LPIN1: variants seen among roughly 807,000 people sequenced by gnomAD.
The protein encoded by LPIN1 is phosphatidate phosphatase LPIN1.
A neutral mutation model predicts 107.5 loss-of-function variants in LPIN1; 71 were observed. The ratio of observed to expected loss-of-function variants is 0.66; its 90% CI spans 0.55 to 0.80. The LOEUF (loss-of-function observed/expected upper bound fraction) is 0.80, where lower values mean the gene tolerates loss of function less well. LPIN1 is among the 30% of genes least tolerant of loss of function. The pLI is 0.00. For synonymous variants in LPIN1, 445 were observed against 452.6 expected (o/e 0.98, Z 0.21); for missense variants, 1,043 against 1,160.6 (o/e 0.90, Z 1.47).
At chr2:11,801,468 G>C (rs1244302640) in intron 14 of LPIN1, among the ~76,000 whole-genome samples, 1 of 152,214 alleles carries the variant, frequency 6.6e-6, no homozygotes, top group African/African-American at 2.4e-5. Flanking sequence ...GGGTGGAATA[G>C]GAGGTCATTA....
In LPIN1 at chr2:11,765,583, C is replaced by T. The variant is rs146180669; in HGVS notation, c.42C>T (p.Thr14=). ...AGTTAGCCGGCCAGGTGTTTGTCAC[C>T]GTGAAGGAGCTCTACAAGGGGCTGA... The part of the protein sequence containing the change: ...VGQLAGQVFV[T]VKELYKGLNP... The change falls in exon 2 of 21, where the codon ACC becomes ACT. Residue 14 remains threonine, a synonymous_variant. Coordinates refer to ENST00000674199, the MANE Select transcript of LPIN1 (RefSeq NM_001349206.2). The surrounding 1 kb of genome is among the most constrained non-coding windows in gnomAD (Gnocchi z 4.4). The T allele has an allele frequency of 2.7e-4, 431 of 1,613,956 alleles. No homozygotes were observed. Among genetic ancestry groups the T allele is most frequent in the Non-Finnish European group, 3.3e-4 (391 of 1,180,002 alleles).
intron 12 of LPIN1, among the ~76,000 whole-genome samples, chr2:11,789,758 T>G (rs1190239681): frequency 6.9e-6 from 1 of 145,306 alleles, no homozygotes; most frequent in Non-Finnish European, 1.5e-5. Context: ...CACTTACAAA[T>G]CCGTAAGAAA....
chr2:11,804,982 G>GTTT (rs372751097), intron 16 of LPIN1, 88 bp from the exon 17 acceptor site: 289 of 703,654 alleles, frequency 4.1e-4, no homozygotes, highest in African/African-American at 8.3e-4. Flanking sequence ...TCTTGTTTGT[G>GTTT]TTTTTTTTTT....
At chr2:11,784,572 C>A in intron 9 of LPIN1, 1 of 513,554 alleles carries the variant, frequency 1.9e-6, no homozygotes, top group Non-Finnish European at 3.3e-6. Context: ...CACCCTCAGT[C>A]CCCCTGCGAT....
Position 11,717,660 on chromosome 2 carries a change from A to G in LPIN1, c.138+3848A>G, listed in dbSNP as rs137975671. Among the ~76,000 whole-genome samples the G allele has an allele frequency of 4.4e-3, 664 of 151,952 alleles. 7 individuals are homozygous for G. The highest frequency in any genetic ancestry group is 0.015 in the African/African-American group (626 of 41,484). On this transcript the variant is annotated intron_variant, in intron 2 of 21. Transcript: ENST00000449576. ...GCTTTTAGAATTTTTAAAAAAAATT[A>G]TTTAGCAAATCTTATATACCACAAA...
In LPIN1 at chr2:11,819,492, T is replaced by C. The variant is rs749481129; in HGVS notation, c.2411T>C (p.Ile804Thr). 6.2e-7 allele frequency: 1 copy of C among 1,605,252 alleles called. No individual in the cohort carries two copies. Among genetic ancestry groups the C allele is most frequent in the Non-Finnish European group, 8.5e-7 (1 of 1,171,848 alleles). ...SLFSALHREV[I>T]EKKPEKFKVQ... Reference sequence around the variant, plus strand: ...ATTTATTTGTTTAACAGAGAAGTGATTGAAAAGAAGCCAGAAAAGTTTAAA... The same window carrying C: ...ATTTATTTGTTTAACAGAGAAGTGACTGAAAAGAAGCCAGAAAAGTTTAAA... The change falls in exon 19 of 21, where the codon ATT (isoleucine) becomes ACT (threonine). Residue 804 changes from isoleucine (I) to threonine (T), a missense_variant. Ile to Thr is a moderately conservative substitution (Grantham distance 89). Transcript: ENST00000674199.
chr2:11,729,153 C>G (rs1035048626), intron 1 of LPIN1, among the ~76,000 whole-genome samples: 1 of 151,990 alleles, frequency 6.6e-6, no homozygotes, highest in Non-Finnish European at 1.5e-5. Flanking sequence ...TGTCGGGGAA[C>G]GGGGGCAAGA....
chr2:11,757,486 G>T (rs62113310), intron 1 of LPIN1, among the ~76,000 whole-genome samples: 24,696 of 152,168 alleles, frequency 0.16, 2,146 homozygotes, highest in Middle Eastern at 0.2. Context: ...TAAAATTTGG[G>T]AATTTATGCC....
rs141571633 is a variant in LPIN1 at position 11,701,633 on chromosome 2, T to C, written c.82-12123T>C. Among the ~76,000 whole-genome samples the C allele has an allele frequency of 1.0e-3, 154 of 152,370 alleles. 2 individuals carry two copies. The highest frequency in any genetic ancestry group is 1.3e-4 in the Non-Finnish European group (9 of 68,034). On this transcript the variant is annotated intron_variant, in intron 1 of 21. Transcript: ENST00000449576. The stretch of plus-strand genomic sequence containing the variant: ...TGTACTAGTTTCTATACTAAGTACT[T>C]TACCCTCATTCTCACTTAATCCTCA...
chr2:11,824,357 T>C (rs556474055), intron 20 of LPIN1, among the ~76,000 whole-genome samples: 1 of 151,642 alleles, frequency 6.6e-6, no homozygotes, highest in East Asian at 2.0e-4. Flanking sequence ...TGCCGTCTTT[T>C]GCTTGGCTGT....
At chr2:11,767,971 C>T (rs938577268) in intron 3 of LPIN1, 113 bp downstream of exon 3, 10 of 758,656 alleles carry the variant, frequency 1.3e-5, no homozygotes, top group Non-Finnish European at 1.9e-5. Context: ...GCTGTGTGGA[C>T]GATGGGGCAG....
rs1380115459 is a variant in LPIN1, at chr2:11,732,909, C to CTG, written c.-72+8371_-72+8372insGT. Among the ~76,000 whole-genome samples the CTG allele has an allele frequency of 5.3e-3, 795 of 150,674 alleles. 12 individuals are homozygous for CTG. Among genetic ancestry groups the CTG allele is most frequent in the African/African-American group, 0.018 (733 of 40,592 alleles). ...TCTCTCTCTTTCTCTCTCTCTCTCT[C>CTG]TCTGTGTGTGTGTGTGTGTGTGTGT... On this transcript the variant is annotated intron_variant, in intron 1 of 21. Transcript: ENST00000396097.
At chr2:11,709,179 C>T (rs148746622) in intron 1 of LPIN1, among the ~76,000 whole-genome samples, 431 of 152,314 alleles carry the variant, frequency 2.8e-3, no homozygotes, top group African/African-American at 1.0e-2. Flanking sequence ...CATCTCCCCC[C>T]TACTCAGAGC....
At chr2:11,748,820 GTGGGAGGGGGCTGT>G (rs1029463620) in intron 1 of LPIN1, among the ~76,000 whole-genome samples, 7 of 152,304 alleles carry the variant, frequency 4.6e-5, no homozygotes, top group African/African-American at 1.7e-4. Flanking sequence ...TTTCCTTAGG[GTGGGAGGGGGCTGT>G]TGCACGGATG....
At chr2:11,764,103 T>TATATATATAC (rs1553422099) in intron 1 of LPIN1, 3 of 121,846 alleles carry the variant, frequency 2.5e-5, no homozygotes, top group Non-Finnish European at 4.9e-5. Flanking sequence ...TATATATATA[T>TATATATATAC]ACACACACAC....
chr2:11,818,495 C>T (rs543906978), intron 18 of LPIN1: 9 of 150,634 alleles, frequency 6.0e-5, no homozygotes, highest in East Asian at 5.8e-4. Context: ...GAAAATGATG[C>T]GATTAATTTT....
chr2:11,720,232 A>G (rs1664031439), upstream of LPIN1, among the ~76,000 whole-genome samples: 1 of 152,118 alleles, frequency 6.6e-6, no homozygotes, highest in Non-Finnish European at 1.5e-5. Context: ...TTTTAATTAT[A>G]GTTTATTATT....
At chr2:11,780,522 C>A (rs1673409295) in intron 7 of LPIN1, among the ~76,000 whole-genome samples, 1 of 152,176 alleles carries the variant, frequency 6.6e-6, no homozygotes, top group Non-Finnish European at 1.5e-5. Flanking sequence ...TTTGATTCAT[C>A]AAGTAGTAAG....
rs1677174997 is a variant in LPIN1 at position 11,798,828 on chromosome 2, C to A, written c.1886+3341C>A. On this transcript the variant is annotated intron_variant, in intron 14 of 20. Coordinates refer to ENST00000674199, the MANE Select transcript of LPIN1 (RefSeq NM_001349206.2). ...TTTCCTAATTGACAGACGTGATTGA[C>A]AGAATAGTCCCCGAAGTCCCATAAT... 2.7e-5 allele frequency among the ~76,000 whole-genome samples: 4 copies of A among 150,022 alleles called. No homozygotes were observed. The South Asian group carries it at 8.4e-4, about 31-fold the overall frequency.
Sources: gnomAD v4.1 joint callset for allele counts (sites outside exome capture counted in the v4.1 genomes callset) on GRCh38, gnomAD v4.1.1 for gene constraint, Gnocchi (gnomAD v3.1) non-coding constraint, MANE v1.5 for transcripts, NCBI Gene and HGNC (gene_info 2026-07-23, HGNC 2026-07-21) for gene names.